Variants in TUBGCP6 observed in about 807,000 individuals in gnomAD.
TUBGCP6 encodes tubulin gamma complex component 6.
Under a neutral mutation model 175.8 loss-of-function variants are expected in TUBGCP6, and 161 were observed. That is an observed-to-expected ratio of 0.92 (90% CI 0.81 to 1.04). TUBGCP6 has a LOEUF of 1.04. Ranked by LOEUF, TUBGCP6 falls within the 50% of genes least tolerant of loss-of-function variation. The probability of loss-of-function intolerance (pLI) is 0.00; values close to 1 mark genes in which losing one functional copy is unlikely to be tolerated. For missense variants in TUBGCP6, 2,572 were observed against 2,433.0 expected (o/e 1.06, Z -1.20); for synonymous variants, 1,173 against 1,030.5 (o/e 1.14, Z -2.65).
intron 2 of TUBGCP6, among the ~76,000 whole-genome samples, chr22:50,239,087 C>A (rs991618102): frequency 1.3e-5 from 2 of 152,236 alleles, no homozygotes; most frequent in Admixed American, 1.3e-4. Flanking sequence ...ACCCAACACT[C>A]CCCAAACCGA....
chr22:50,232,456 C>A (rs879597998), intron 3 of TUBGCP6, among the ~76,000 whole-genome samples: 4 of 151,614 alleles, frequency 2.6e-5, no homozygotes, highest in African/African-American at 9.7e-5. Flanking sequence ...TACATGGAGG[C>A]TAAGGTGGGA....
chr22:50,237,646 C>T (rs2064792573), intron 2 of TUBGCP6, among the ~76,000 whole-genome samples: 1 of 152,196 alleles, frequency 6.6e-6, no homozygotes, highest in South Asian at 2.1e-4. Context: ...GCAGCACCTC[C>T]CTATAGGAAC....
In TUBGCP6 at chr22:50,234,292, C is replaced by T. The variant is rs112889018; in HGVS notation, c.906-766G>A. 3.8e-3 allele frequency among the ~76,000 whole-genome samples: 520 copies of T among 137,460 alleles called. 6 individuals carry two copies. The highest frequency in any genetic ancestry group is 0.014 in the African/African-American group (502 of 36,056). The allele number at this position is 137,460 out of a possible 152,430, so 90.2% of individuals were successfully genotyped here. A position where few individuals can be genotyped will look rare whatever the true frequency, so the allele number is the denominator to read the frequency against. On this transcript the variant is annotated intron_variant, in intron 2 of 24. Coordinates refer to ENST00000248846, the MANE Select transcript of TUBGCP6 (RefSeq NM_020461.4). ...ACACCCCTGTCCATGGCAGCATCAC[C>T]CACACCCACCCATGGCAGCATCATC...
chr22:50,232,556 C>CAAAA (rs542603491), intron 3 of TUBGCP6, among the ~76,000 whole-genome samples: 3 of 139,858 alleles, frequency 2.1e-5, no homozygotes, highest in East Asian at 2.1e-4. Context: ...GACCCTGTCT[C>CAAAA]AAAAAAAAAA....
chr22:50,224,014 G>C lies in TUBGCP6; in HGVS notation c.2270+127C>G. The C allele has an allele frequency of 1.1e-5, 9 of 808,528 alleles. No individual in the cohort carries two copies. The South Asian group carries it at 1.5e-4, about 13-fold the overall frequency. 50.1% of individuals were successfully genotyped at this position (808,528 alleles called of 1,614,324 possible). On this transcript the variant is annotated intron_variant, in intron 13 of 24. Transcript: ENST00000248846. ...CAGCCACTCTGGGTTCAGCATATTG[G>C]TCTTTCTACCTTAATGTATGTTTGA...
At chr22:50,240,102 G>T in intron 2 of TUBGCP6, 102 bp downstream of exon 2, 2 of 1,509,736 alleles carry the variant, frequency 1.3e-6, no homozygotes, top group Non-Finnish European at 1.8e-6. Context: ...CATCACAACT[G>T]CCTGGACCCC....
chr22:50,233,230 TG>T, intron 3 of TUBGCP6, 85 bp downstream of exon 3: 2 of 1,469,892 alleles, frequency 1.4e-6, no homozygotes, highest in South Asian at 2.5e-5. Context: ...CACTGGGGCT[TG>T]TTCTGCCCCA....
At position 50,218,711 on chromosome 22, in the gene TUBGCP6, T is replaced by C. The variant is rs745746422; in HGVS notation, c.4813A>G (p.Arg1605Gly). The C allele has an allele frequency of 2.5e-6, 4 of 1,613,742 alleles. No individual in the cohort carries two copies. Among genetic ancestry groups the C allele is most frequent in the Admixed American group, 1.7e-5 (1 of 60,014 alleles). Reference protein sequence around the residue: ...APDVLSCLELRYKVDWPLNIV... With the variant: ...APDVLSCLELGYKVDWPLNIV... ...CCAGGGCTGCTGCTGACCTTGTACCTGAGCTCCAGGCAGCTCAGCACATCC... is the reference window on the plus strand; with the variant it reads ...CCAGGGCTGCTGCTGACCTTGTACCCGAGCTCCAGGCAGCTCAGCACATCC... The change falls in exon 21 of 25, where the codon AGG becomes GGG. Residue 1605 changes from arginine (R) to glycine (G), a missense_variant. Transcript: ENST00000248846.
chr22:50,240,294 G>C lies in TUBGCP6; in HGVS notation c.815C>G (p.Ser272Cys). Residue 272 changes from serine (S) to cysteine (C), a missense_variant, in exon 2 of 25, where the codon TCT (serine) becomes TGT (cysteine). Physicochemically the swap from Ser to Cys is moderately radical, Grantham distance 112. Coordinates refer to ENST00000248846, the MANE Select transcript of TUBGCP6 (RefSeq NM_020461.4). ...CACGTCTGGGGTCACGCTGGGCTCAGACTGGGAATCAGGAGTCAAGTTGGA... is the reference window on the plus strand; with the variant it reads ...CACGTCTGGGGTCACGCTGGGCTCACACTGGGAATCAGGAGTCAAGTTGGA... ...SASNLTPDSQSEPSVTPDVDL... is the reference protein window; with the variant it reads ...SASNLTPDSQCEPSVTPDVDL... 1.9e-6 allele frequency: 3 copies of C among 1,614,028 alleles called. No individual in the cohort carries two copies. Among genetic ancestry groups the C allele is most frequent in the Middle Eastern group, 1.6e-4 (1 of 6,062 alleles).
rs760153532 is a variant in TUBGCP6, at chr22:50,229,415, G to C, written c.1279C>G (p.Leu427Val). 3.1e-6 allele frequency: 5 copies of C among 1,613,544 alleles called. No individual in the cohort carries two copies. Among genetic ancestry groups the C allele is most frequent in the Non-Finnish European group, 4.2e-6 (5 of 1,179,844 alleles). The change falls in exon 4 of 25, where the codon CTC (leucine) becomes GTC (valine). Residue 427 changes from leucine (L) to valine (V), a missense_variant. Coordinates refer to ENST00000248846, the MANE Select transcript of TUBGCP6 (RefSeq NM_020461.4). ...PVLDSLYSKG[L>V]VFQAFTSGLR... The stretch of plus-strand genomic sequence containing the variant: ...GGCAAAGGCCATACCTGGAACACGA[G>C]GCCCTTGCTGTACAAAGAGTCCAGG...
Position 50,224,243 on chromosome 22 carries a change from G to A in TUBGCP6, c.2168C>T (p.Ala723Val). The A allele has an allele frequency of 6.2e-7, 1 of 1,614,084 alleles. No homozygotes were observed. Among genetic ancestry groups the A allele is most frequent in the Non-Finnish European group, 8.5e-7 (1 of 1,180,030 alleles). Residue 723 changes from alanine to valine, a missense_variant, in exon 13 of 25, where the codon GCC (alanine) becomes GTC (valine). By Grantham distance (64) the Ala-to-Val change is moderately conservative. Coordinates refer to ENST00000248846, the MANE Select transcript of TUBGCP6 (RefSeq NM_020461.4). ...GTCATCATCCAGCTCCTCCTGCCTG[G>A]CCGCCTGGCGTCGCTATAAAACACA... Reference protein sequence around the residue: ...FVKDQERRQAARQEELDDDFS... With the variant: ...FVKDQERRQAVRQEELDDDFS...
rs2064661652 is a variant in TUBGCP6, at chr22:50,229,486, T to C, written c.1208A>G (p.Tyr403Cys). The C allele has an allele frequency of 6.2e-7, 1 of 1,612,472 alleles. No homozygotes were observed. The highest frequency in any genetic ancestry group is 8.5e-7 in the Non-Finnish European group (1 of 1,179,570). ...ACTCAGGCGCGTGTAGCAGGTCCCA[T>C]ACTCGGCCACTTCCGAGAGCAGGCT... ...ISSLLSEVAE[Y>C]GTCYTRLSHF... Residue 403 changes from tyrosine to cysteine, a missense_variant, in exon 4 of 25, where the codon TAT (tyrosine) becomes TGT (cysteine). Coordinates refer to ENST00000248846, the MANE Select transcript of TUBGCP6 (RefSeq NM_020461.4).
chr22:50,234,160 CCCACACCCATCCACGGCAGCATCAT>C (rs2064730372), intron 2 of TUBGCP6, among the ~76,000 whole-genome samples: 1 of 146,350 alleles, frequency 6.8e-6, no homozygotes, highest in South Asian at 2.2e-4. Context: ...AGCAGCATCA[CCCACACCCATCCACGGCAGCATCAT>C]CCACACGCCC....
chr22:50,244,660 C>T lies in TUBGCP6; in HGVS notation c.-201G>A, dbSNP rs1167208920. The T allele has an allele frequency of 1.2e-6, 1 of 852,830 alleles. No homozygotes were observed. Among genetic ancestry groups the T allele is most frequent in the African/African-American group, 1.7e-5 (1 of 58,402 alleles). 52.8% of individuals were successfully genotyped at this position (852,830 alleles called of 1,614,324 possible). On this transcript the variant is annotated 5_prime_UTR_variant, in exon 1 of 25. Transcript: ENST00000248846. ...TCAGAGTAAACACGCCCTGCCCTCC[C>T]CAGTCCAAGCACGCTGCCCGGCGCC...
chr22:50,242,307 A>C (rs79804103), intron 1 of TUBGCP6, among the ~76,000 whole-genome samples: 3,627 of 152,070 alleles, frequency 0.024, 91 homozygotes, highest in East Asian at 0.12. Flanking sequence ...AAAATCAAAT[A>C]AAATAAAAAA....
Position 50,244,210 on chromosome 22 carries a change from G to A in TUBGCP6, c.250C>T (p.Pro84Ser), listed in dbSNP as rs1213880108. 11 of 1,613,202 alleles carry A rather than the reference G, an allele frequency of 6.8e-6. No individual in the cohort carries two copies. The highest frequency in any genetic ancestry group is 9.3e-6 in the Non-Finnish European group (11 of 1,180,048). ...AGCTCCTCCAAACGGTCGGCCTTGG[G>A]GCCCAGGCCACCCACTCTCAAGTCA... ...SFDLRVGGLG[P>S]KADRLEELVE... Residue 84 changes from proline to serine, a missense_variant, in exon 1 of 25, where the codon CCC becomes TCC. Physicochemically the swap from Pro to Ser is moderately conservative, Grantham distance 74. Transcript: ENST00000248846.
At chr22:50,231,018 G>A (rs1464040684) in intron 3 of TUBGCP6, among the ~76,000 whole-genome samples, 1 of 145,122 alleles carries the variant, frequency 6.9e-6, no homozygotes, top group Non-Finnish European at 1.5e-5. Context: ...GGAGGAAGAG[G>A]TTGCAGTGAG....
rs1031489327 is a variant in TUBGCP6, at chr22:50,217,973, T to C, written c.5313A>G (p.Ala1771=). ...GPRGAEHPNF[A]LMQQSYNTFK... The stretch of plus-strand genomic sequence containing the variant: ...AGGTGTTGTAGGACTGCTGCATGAG[T>C]GCAAAGTTGGGGTGCTCTGCACCCC... Residue 1771 remains alanine (A), a synonymous_variant, in exon 24 of 25, where the codon GCA becomes GCG. Transcript: ENST00000248846. The C allele has an allele frequency of 9.3e-6, 15 of 1,610,410 alleles. No individual in the cohort carries two copies. Among genetic ancestry groups the C allele is most frequent in the Non-Finnish European group, 1.3e-5 (15 of 1,178,848 alleles).
At chr22:50,220,071 C>CGG in intron 16 of TUBGCP6, 56 bp from the exon 17 acceptor site, 4 of 1,580,040 alleles carry the variant, frequency 2.5e-6, no homozygotes, top group African/African-American at 2.7e-5. Context: ...GTGGCGGGTA[C>CGG]AGAGCCGAGC....
Sources: allele counts gnomAD v4.1 joint callset (sites outside exome capture counted in the v4.1 genomes callset), GRCh38; gene constraint gnomAD v4.1.1; transcripts MANE v1.5; gene names NCBI Gene and HGNC (gene_info 2026-07-23, HGNC 2026-07-21).